The following SLC2A1 variants were observed in gnomAD, a reference collection of about 807,000 sequenced individuals.
SLC2A1 encodes solute carrier family 2 member 1, also known as solute carrier family 2, facilitated glucose transporter member 1.
SLC2A1 carries 4 observed loss-of-function variants against 46.6 expected under a neutral mutation model. The ratio of observed to expected loss-of-function variants is 0.09; its 90% confidence interval spans 0.04 to 0.20. The LOEUF (loss-of-function observed/expected upper bound fraction) is 0.20, where lower values mean the gene tolerates loss of function less well. Among genes scored for constraint, SLC2A1 ranks in the 10% least tolerant of loss-of-function variants. The pLI, the probability that SLC2A1 is intolerant of heterozygous loss-of-function variation, is 1.00. For synonymous variants in SLC2A1, 253 were observed against 270.0 expected (o/e 0.94, Z 0.62); for missense variants, 352 against 667.0 (o/e 0.53, Z 5.20).
At chr1:42,958,284 T>C (rs113583149) in intron 1 of SLC2A1, among the ~76,000 whole-genome samples, 91,126 of 150,984 alleles carry the variant, frequency 0.6, 28,507 homozygotes, top group African/African-American at 0.77. Flanking sequence ...GCTGGGCTGC[T>C]GCTGCCGAGG....
intron 1 of SLC2A1, among the ~76,000 whole-genome samples, chr1:42,947,304 A>G (rs2124466153): frequency 6.6e-6 from 1 of 152,298 alleles, no homozygotes; most frequent in Non-Finnish European, 1.5e-5. Flanking sequence ...TGGGATCCCC[A>G]GCAGCCCATC....
chr1:42,949,606 T>C (rs771902947), intron 1 of SLC2A1, among the ~76,000 whole-genome samples: 22 of 152,176 alleles, frequency 1.4e-4, no homozygotes, highest in Non-Finnish European at 2.8e-4. Flanking sequence ...ACACCCCTGG[T>C]TGCCCTCGAG....
In SLC2A1 at chr1:42,927,118, G is replaced by A. The variant is rs267607059; in HGVS notation, c.1402C>T (p.Arg468Trp). ...RTFDEIASGF[R>W]QGGASQSDKT... ...TCACTTTGGCTGGCTCCCCCCTGCC[G>A]GAAGCCGGAAGCGATCTCATCGAAG... The change falls in exon 10 of 10, where the codon CGG becomes TGG. Residue 468 changes from arginine (R) to tryptophan (W), a missense_variant. This residue lies in a region of SLC2A1 where 41 missense variants were observed against 49.1 expected (regional missense o/e 0.83). Coordinates refer to ENST00000426263, the MANE Select transcript of SLC2A1 (RefSeq NM_006516.4). The surrounding 1 kb of genome is among the most constrained non-coding windows in gnomAD (Gnocchi z 5.3). 1.9e-6 allele frequency: 3 copies of A among 1,614,186 alleles called. No individual in the cohort carries two copies. Among genetic ancestry groups the A allele is most frequent in the Middle Eastern group, 1.6e-4 (1 of 6,062 alleles).
intron 1 of SLC2A1, among the ~76,000 whole-genome samples, chr1:42,955,723 TAGGC>T (rs1643765044): frequency 1.3e-5 from 2 of 152,322 alleles, no homozygotes; most frequent in Non-Finnish European, 2.9e-5. Flanking sequence ...GTGATGGGCA[TAGGC>T]AAGGCTAGTT....
chr1:42,957,331 A>C lies in SLC2A1; in HGVS notation c.18+1303T>G, dbSNP rs999368749. ...AGCGAGGGCCCAGGAAGGGTGAACCAAGTCGTCTGGATTTATGGATTCAAC... is the reference window on the plus strand; with the variant it reads ...AGCGAGGGCCCAGGAAGGGTGAACCCAGTCGTCTGGATTTATGGATTCAAC... On this transcript the variant is annotated intron_variant, in intron 1 of 9. Transcript: ENST00000426263. Among the ~76,000 whole-genome samples, 6 of 152,314 alleles carry C rather than the reference A, an allele frequency of 3.9e-5. No individual in the cohort carries two copies. In the East Asian group the frequency reaches 1.2e-3, roughly 29 times the overall value.
intron 1 of SLC2A1, among the ~76,000 whole-genome samples, chr1:42,955,045 T>C (rs1165556676): frequency 1.3e-5 from 2 of 152,174 alleles, no homozygotes; most frequent in Non-Finnish European, 2.9e-5. Flanking sequence ...GTGGGAGCTT[T>C]AATGATTTAC....
chr1:42,928,476 T>C (rs144662224), intron 8 of SLC2A1, among the ~76,000 whole-genome samples: 28 of 152,266 alleles, frequency 1.8e-4, no homozygotes, highest in African/African-American at 6.7e-4. Flanking sequence ...GACAAGTTAC[T>C]AACCTCACTG....
At position 42,958,722 on chromosome 1, in the gene SLC2A1, C is replaced by A; in HGVS notation, c.-71G>T. The A allele has an allele frequency of 6.8e-7, 1 of 1,481,288 alleles. No homozygotes were observed. Among genetic ancestry groups the A allele is most frequent in the South Asian group, 1.2e-5 (1 of 82,030 alleles). 91.8% of individuals were successfully genotyped at this position (1,481,288 alleles called of 1,614,324 possible). A position where few individuals can be genotyped will look rare whatever the true frequency, so the allele number is the denominator to read the frequency against. ...GCGACGGGCGTGCGAGCGGCGCTCT[C>A]CCGCTCAGGCTCGTGCTCCGGTCCG... is the stretch of plus-strand genomic sequence containing the variant. On this transcript the variant is annotated 5_prime_UTR_variant, in exon 1 of 10. Coordinates refer to ENST00000426263, the MANE Select transcript of SLC2A1 (RefSeq NM_006516.4).
chr1:42,955,218 G>A (rs1428828519), intron 1 of SLC2A1, among the ~76,000 whole-genome samples: 1 of 152,228 alleles, frequency 6.6e-6, no homozygotes, highest in African/African-American at 2.4e-5. Flanking sequence ...GAGCATCTAT[G>A]GGGACAGAGA....
chr1:42,929,001 G>T lies in SLC2A1; in HGVS notation c.1005C>A (p.Thr335=), dbSNP rs763664146. Reference sequence around the variant, plus strand: ...TGCCAGCGAGGCCTATGAGGTGCAGGGTCCGCCGGCCTGCTCGCTCCACCA... The same window carrying T: ...TGCCAGCGAGGCCTATGAGGTGCAGTGTCCGCCGGCCTGCTCGCTCCACCA... ...LFVVERAGRR[T]LHLIGLAGMA... is the part of the protein sequence containing the mutation. The change falls in exon 8 of 10, where the codon ACC becomes ACA. Residue 335 remains threonine (T), a synonymous_variant. Transcript: ENST00000426263. This position sits in a 1 kb window ranked among gnomAD's most constrained non-coding sequence, Gnocchi z 6.0. 1 of 1,613,622 alleles carries T rather than the reference G, an allele frequency of 6.2e-7. No individual in the cohort carries two copies. The highest frequency in any genetic ancestry group is 8.5e-7 in the Non-Finnish European group (1 of 1,180,052).
At chr1:42,945,917 C>T (rs921175659) in intron 1 of SLC2A1, among the ~76,000 whole-genome samples, 8 of 152,104 alleles carry the variant, frequency 5.3e-5, no homozygotes, top group Admixed American at 2.0e-4. Context: ...ATAATTTTTA[C>T]AAGCCCTGTG....
chr1:42,942,766 CCT>C (rs1391756373), intron 2 of SLC2A1, among the ~76,000 whole-genome samples: 1 of 151,952 alleles, frequency 6.6e-6, no homozygotes, highest in African/African-American at 2.4e-5. Context: ...GGGCGGGTTT[CCT>C]CTCTCTGGCC....
At chr1:42,951,512 C>A in intron 1 of SLC2A1, 1 of 220,226 alleles carries the variant, frequency 4.5e-6, no homozygotes. Context: ...AAGAACTATG[C>A]AGAAAGTGGG....
chr1:42,934,518 C>T (rs559593415), intron 2 of SLC2A1, among the ~76,000 whole-genome samples: 44 of 152,242 alleles, frequency 2.9e-4, no homozygotes, highest in African/African-American at 1.0e-3. Flanking sequence ...TGGGGTTCCA[C>T]GCTGACTCTT....
At chr1:42,948,891 C>T (rs192569784) in intron 1 of SLC2A1, among the ~76,000 whole-genome samples, 2,067 of 151,958 alleles carry the variant, frequency 0.014, 24 homozygotes, top group South Asian at 0.024. Flanking sequence ...GGTGAAACCC[C>T]GTTTCTACTA....
At position 42,958,751 on chromosome 1, in the gene SLC2A1, A is replaced by C; in HGVS notation, c.-100T>G. The C allele has an allele frequency of 8.0e-7, 1 of 1,255,528 alleles. No homozygotes were observed. The highest frequency in any genetic ancestry group is 1.1e-6 in the Non-Finnish European group (1 of 905,002). The allele number at this position is 1,255,528 out of a possible 1,614,324, so 77.8% of individuals were successfully genotyped here. On this transcript the variant is annotated 5_prime_UTR_variant, in exon 1 of 10. Coordinates refer to ENST00000426263, the MANE Select transcript of SLC2A1 (RefSeq NM_006516.4). ...CTCAGGCTCGTGCTCCGGTCCGGGG[A>C]CTCCCACTGCGACTCTGACTCCGAC...
At position 42,958,839 on chromosome 1, in the gene SLC2A1, C is replaced by A; in HGVS notation, c.-188G>T. Reference sequence around the variant, plus strand: ...TCGGGGACCCGCGACTAGCGACCGGCACGCTCGCTGTTGCTACCTCTTGCC... The same window carrying A: ...TCGGGGACCCGCGACTAGCGACCGGAACGCTCGCTGTTGCTACCTCTTGCC... On this transcript the variant is annotated 5_prime_UTR_variant, in exon 1 of 10. Coordinates refer to ENST00000426263, the MANE Select transcript of SLC2A1 (RefSeq NM_006516.4). 1.7e-6 allele frequency: 1 copy of A among 587,454 alleles called. No homozygotes were observed. The highest frequency in any genetic ancestry group is 2.9e-5 in the Admixed American group (1 of 34,538). The allele number at this position is 587,454 out of a possible 1,614,324, so 36.4% of individuals were successfully genotyped here.
At chr1:42,937,266 C>T (rs529830940) in intron 2 of SLC2A1, among the ~76,000 whole-genome samples, 1 of 152,310 alleles carries the variant, frequency 6.6e-6, no homozygotes, top group East Asian at 1.9e-4. Flanking sequence ...GTGCCCAGCA[C>T]GGTGGTGGAG....
At chr1:42,947,268 T>A (rs1281810129) in intron 1 of SLC2A1, among the ~76,000 whole-genome samples, 1 of 152,098 alleles carries the variant, frequency 6.6e-6, no homozygotes, top group Non-Finnish European at 1.5e-5. Context: ...TTTTTACTGG[T>A]GGGGAGCAAT....
Sources: allele counts gnomAD v4.1 joint callset (sites outside exome capture counted in the v4.1 genomes callset), GRCh38; gene constraint gnomAD v4.1.1; regional missense constraint gnomAD v4.1.1; non-coding constraint Gnocchi (gnomAD v3.1); transcripts MANE v1.5; gene names NCBI Gene and HGNC (gene_info 2026-07-23, HGNC 2026-07-21).